The following CELF4 variants were observed in gnomAD, a reference collection of about 807,000 sequenced individuals.
The protein encoded by CELF4 is CUGBP Elav-like family member 4, also known as CUG-BP- and ETR-3-like factor 4.
CELF4 carries 18 observed loss-of-function variants against 59.9 expected under a neutral mutation model. The ratio of observed to expected loss-of-function variants is 0.30; its 90% confidence interval spans 0.21 to 0.45. The LOEUF is 0.45. Among genes scored for constraint, CELF4 ranks in the 20% least tolerant of loss-of-function variants. The pLI, the probability that CELF4 is intolerant of heterozygous loss-of-function variation, is 1.00. For missense variants in CELF4, 456 were observed against 689.0 expected (o/e 0.66, Z 3.79); for synonymous variants, 261 against 267.1 (o/e 0.98, Z 0.22).
chr18:37,551,322 GC>G (rs1201759880), intron 1 of CELF4, among the ~76,000 whole-genome samples: 2 of 152,160 alleles, frequency 1.3e-5, no homozygotes, highest in Non-Finnish European at 1.5e-5. Context: ...AGCCATGACT[GC>G]CCCCCTGGGC....
intron 2 of CELF4, among the ~76,000 whole-genome samples, chr18:37,417,018 G>A (rs1204595465): frequency 1.3e-5 from 2 of 151,922 alleles, no homozygotes; most frequent in East Asian, 3.9e-4. Flanking sequence ...GAGAAAGCAG[G>A]AAGGAAGAAG....
chr18:37,536,770 A>C (rs1224856449), intron 1 of CELF4, among the ~76,000 whole-genome samples: 2 of 152,074 alleles, frequency 1.3e-5, no homozygotes, highest in Non-Finnish European at 2.9e-5. Flanking sequence ...CCATCTCCCA[A>C]AGCCACAGGC....
intron 3 of CELF4, among the ~76,000 whole-genome samples, chr18:37,284,375 G>A (rs565992460): frequency 1.3e-5 from 2 of 149,670 alleles, no homozygotes; most frequent in Non-Finnish European, 3.0e-5. Flanking sequence ...CAAGGCAAAA[G>A]GCCTGGCCCC....
At position 37,253,824 on chromosome 18, in the gene CELF4, T is replaced by C. The variant is rs2067135542; in HGVS notation, c.1448A>G (p.Asn483Ser). The part of the protein sequence containing the change: ...KVQLKRPKDA[N>S]RPY ...TCCCGCCGGCGCTCAGTACGGGCGATTGGCGTCTTTGGGCCGCTTCAGCTG... is the reference window on the plus strand; with the variant it reads ...TCCCGCCGGCGCTCAGTACGGGCGACTGGCGTCTTTGGGCCGCTTCAGCTG... Residue 483 changes from asparagine to serine, a missense_variant, in exon 12 of 13, where the codon AAT becomes AGT. Around this residue, in one of 7 missense-constraint regions of CELF4, gnomAD observed 256 missense variants for 340.8 expected, o/e 0.75. Coordinates refer to ENST00000420428, the MANE Select transcript of CELF4 (RefSeq NM_020180.4). The surrounding 1 kb of genome is among the most constrained non-coding windows in gnomAD (Gnocchi z 4.5). The C allele has an allele frequency of 3.1e-6, 5 of 1,602,916 alleles. No homozygotes were observed. The highest frequency in any genetic ancestry group is 4.3e-6 in the Non-Finnish European group (5 of 1,174,982).
chr18:37,266,718 G>A (rs925556204), intron 8 of CELF4, 120 bp from the exon 9 acceptor site: 2 of 882,602 alleles, frequency 2.3e-6, no homozygotes, highest in East Asian at 5.4e-5. Context: ...GCTGTGCCCT[G>A]GGGCAGGGCA....
chr18:37,484,230 A>G (rs1389943813), intron 2 of CELF4, among the ~76,000 whole-genome samples: 1 of 152,116 alleles, frequency 6.6e-6, no homozygotes, highest in Non-Finnish European at 1.5e-5. Context: ...ATCAGCACAA[A>G]CCTTTCTCAG....
intron 2 of CELF4, among the ~76,000 whole-genome samples, chr18:37,429,086 T>A (rs1239327913): frequency 2.0e-5 from 3 of 152,212 alleles, no homozygotes; most frequent in Non-Finnish European, 4.4e-5. Context: ...GAGTCGTGCT[T>A]CCTGCCATGG....
intron 2 of CELF4, among the ~76,000 whole-genome samples, chr18:37,441,369 G>T (rs2099719989): frequency 1.3e-5 from 2 of 152,182 alleles, no homozygotes; most frequent in East Asian, 1.9e-4. Context: ...AAGTGCATTA[G>T]TGGCTGGGAT....
chr18:37,333,694 T>A (rs2097648248), intron 2 of CELF4, among the ~76,000 whole-genome samples: 2 of 151,606 alleles, frequency 1.3e-5, no homozygotes, highest in South Asian at 4.2e-4. Context: ...CTACCAGCAC[T>A]GAAGCTGTTG....
At chr18:37,403,113 G>A (rs1351301543) in intron 2 of CELF4, among the ~76,000 whole-genome samples, 1 of 151,956 alleles carries the variant, frequency 6.6e-6, no homozygotes, top group East Asian at 1.9e-4. Context: ...AGAGTGAGGG[G>A]AGAGATGGGG....
At chr18:37,439,588 TG>T (rs2099705465) in intron 2 of CELF4, among the ~76,000 whole-genome samples, 1 of 152,104 alleles carries the variant, frequency 6.6e-6, no homozygotes, top group African/African-American at 2.4e-5. Flanking sequence ...CCAAGGACCT[TG>T]GGGGCTAGGA....
At chr18:37,489,229 C>T (rs910125423) in intron 1 of CELF4, among the ~76,000 whole-genome samples, 64 of 152,378 alleles carry the variant, frequency 4.2e-4, no homozygotes, top group African/African-American at 1.3e-3. Flanking sequence ...TCTTAAGGCT[C>T]TTTGAGAAAG....
At chr18:37,440,351 C>T (rs959377973) in intron 2 of CELF4, among the ~76,000 whole-genome samples, 1 of 152,184 alleles carries the variant, frequency 6.6e-6, no homozygotes, top group Admixed American at 6.5e-5. Flanking sequence ...CAGGCACGTC[C>T]TTGCTCCCAT....
At chr18:37,259,059 T>C in intron 11 of CELF4, 122 bp downstream of exon 11, 2 of 1,499,846 alleles carry the variant, frequency 1.3e-6, no homozygotes, top group Non-Finnish European at 1.8e-6. Flanking sequence ...CGGACACCGG[T>C]AGGTTGGTGC....
chr18:37,454,672 AAG>A (rs1326788607), intron 2 of CELF4, among the ~76,000 whole-genome samples: 1 of 152,166 alleles, frequency 6.6e-6, no homozygotes, highest in Non-Finnish European at 1.5e-5. Flanking sequence ...CATCAGGAAA[AAG>A]AGTCCGCCTG....
chr18:37,289,783 T>G (rs973464587), intron 3 of CELF4, among the ~76,000 whole-genome samples: 1 of 152,266 alleles, frequency 6.6e-6, no homozygotes, highest in African/African-American at 2.4e-5. Context: ...GTGGCGCAGG[T>G]GAGGCTGGAC....
intron 12 of CELF4, among the ~76,000 whole-genome samples, chr18:37,247,970 CCTG>C (rs992318196): frequency 6.6e-6 from 1 of 152,138 alleles, no homozygotes; most frequent in African/African-American, 2.4e-5. Context: ...TCAAGGTGGC[CCTG>C]GTCAGCTGGG....
At chr18:37,485,028 G>A (rs1381553271) in intron 2 of CELF4, among the ~76,000 whole-genome samples, 1 of 152,142 alleles carries the variant, frequency 6.6e-6, no homozygotes, top group African/African-American at 2.4e-5. Flanking sequence ...CAGTTAGGGG[G>A]GCCATAAATA....
intron 1 of CELF4, among the ~76,000 whole-genome samples, chr18:37,550,250 C>G (rs1389124247): frequency 6.6e-6 from 1 of 152,138 alleles, no homozygotes; most frequent in African/African-American, 2.4e-5. Context: ...GCAGTGGCCC[C>G]TGTGTCTGCT....
Sources: gnomAD v4.1 joint callset for allele counts (sites outside exome capture counted in the v4.1 genomes callset) on GRCh38, gnomAD v4.1.1 for gene constraint, gnomAD v4.1.1 regional missense constraint, Gnocchi (gnomAD v3.1) non-coding constraint, MANE v1.5 for transcripts, NCBI Gene and HGNC (gene_info 2026-07-23, HGNC 2026-07-21) for gene names.